The following MTMR3 variants were observed in gnomAD, a reference collection of about 807,000 sequenced individuals.
MTMR3 encodes phosphatidylinositol-3,5-bisphosphate 3-phosphatase MTMR3.
A neutral mutation model predicts 132.4 loss-of-function variants in MTMR3; 32 were observed. The observed-to-expected ratio is 0.24, with a 90% CI of 0.18 to 0.32. The LOEUF is 0.32. Ranked by LOEUF, MTMR3 falls within the 10% of genes least tolerant of loss-of-function variation. The probability of loss-of-function intolerance (pLI) is 1.00; values close to 1 mark genes in which losing one functional copy is unlikely to be tolerated. For synonymous variants in MTMR3, 556 were observed against 550.3 expected (o/e 1.01, Z -0.14); for missense variants, 1,216 against 1,489.6 (o/e 0.82, Z 3.02).
chr22:29,901,323 G>A (rs2064999439), intron 1 of MTMR3, among the ~76,000 whole-genome samples: 1 of 151,166 alleles, frequency 6.6e-6, no homozygotes, highest in African/African-American at 2.5e-5. Context: ...TTAATTTTTA[G>A]GCGAAATGTT....
At chr22:29,885,417 A>G (rs78599531) in intron 1 of MTMR3, among the ~76,000 whole-genome samples, 9 of 152,262 alleles carry the variant, frequency 5.9e-5, no homozygotes, top group South Asian at 2.1e-4. Context: ...TAATGGATTT[A>G]TGTAGGGGAA....
rs747908035 is a variant in MTMR3 at position 30,012,322 on chromosome 22, A to C, written c.1122-46A>C. On this transcript the variant is annotated intron_variant, in intron 12 of 19. Transcript: ENST00000401950. ...GACAATCATTGAGCATGATGCAGTA[A>C]ATCATAAAAAAATCAGCATTTTCTA... 5 of 1,579,114 alleles carry C rather than the reference A, an allele frequency of 3.2e-6. 1 individual carries two copies. The South Asian group carries it at 5.6e-5, about 18-fold the overall frequency.
chr22:29,954,996 T>C lies in MTMR3; in HGVS notation c.-137-2040T>C, dbSNP rs1371156323. 2.6e-5 allele frequency among the ~76,000 whole-genome samples: 4 copies of C among 152,236 alleles called. No homozygotes were observed. The South Asian group carries it at 8.3e-4, about 31-fold the overall frequency. On this transcript the variant is annotated intron_variant, in intron 1 of 19. Transcript: ENST00000401950. Reference sequence around the variant, plus strand: ...TTTCCATTATTTTGTTGGTTGTTGTTGTTCTTGTGACAATCTAGGGTCTTA... The same window carrying C: ...TTTCCATTATTTTGTTGGTTGTTGTCGTTCTTGTGACAATCTAGGGTCTTA...
intron 2 of MTMR3, among the ~76,000 whole-genome samples, chr22:29,963,890 G>A (rs897931117): frequency 2.0e-5 from 3 of 150,910 alleles, no homozygotes; most frequent in African/African-American, 7.3e-5. Flanking sequence ...CTTCAAAATA[G>A]CCCATCCCAC....
intron 1 of MTMR3, among the ~76,000 whole-genome samples, chr22:29,935,248 G>T (rs538970718): frequency 1.3e-5 from 2 of 152,234 alleles, no homozygotes; most frequent in East Asian, 3.9e-4. Flanking sequence ...TTACTAAATG[G>T]CATGTACAGT....
intron 1 of MTMR3, 70 bp from the exon 2 acceptor site, chr22:29,956,966 G>A (rs1456803934): frequency 1.3e-5 from 2 of 152,228 alleles, no homozygotes; most frequent in Non-Finnish European, 2.9e-5. Flanking sequence ...GTCTTGTGGG[G>A]AGATCTAAGT....
At chr22:29,895,381 TAA>T (rs2064874438) in intron 1 of MTMR3, among the ~76,000 whole-genome samples, 1 of 152,214 alleles carries the variant, frequency 6.6e-6, no homozygotes, top group African/African-American at 2.4e-5. Context: ...CGATGAGAAA[TAA>T]GTTTGTTTAT....
At chr22:29,888,823 G>A (rs1454086858) in intron 1 of MTMR3, among the ~76,000 whole-genome samples, 1 of 145,900 alleles carries the variant, frequency 6.9e-6, no homozygotes, top group Non-Finnish European at 1.5e-5. Context: ...GCCCAGGCTG[G>A]AGTGCAGTGG....
At chr22:29,949,134 CACA>C (rs2066014125) in intron 1 of MTMR3, among the ~76,000 whole-genome samples, 1 of 42,546 alleles carries the variant, frequency 2.4e-5, no homozygotes, top group African/African-American at 1.3e-4. Context: ...CACACACACA[CACA>C]CACACACCCC....
intron 1 of MTMR3, among the ~76,000 whole-genome samples, chr22:29,921,354 A>G (rs112268766): frequency 2.6e-5 from 4 of 152,300 alleles, no homozygotes; most frequent in South Asian, 4.1e-4. Context: ...ACCAAGCCAT[A>G]TTAGGGATGT....
chr22:30,005,864 T>TA (rs1406434224), intron 9 of MTMR3: 1 of 152,186 alleles, frequency 6.6e-6, no homozygotes, highest in African/African-American at 2.4e-5. Flanking sequence ...TAGTAAAACA[T>TA]AGAGTGCTTC....
At chr22:30,005,070 G>A (rs939119982) in intron 9 of MTMR3, 5 of 152,206 alleles carry the variant, frequency 3.3e-5, no homozygotes, top group African/African-American at 1.2e-4. Flanking sequence ...TGTGCATGTG[G>A]TGATTATTCT....
At chr22:29,949,685 T>C (rs1243194602) in intron 1 of MTMR3, among the ~76,000 whole-genome samples, 2 of 152,106 alleles carry the variant, frequency 1.3e-5, no homozygotes, top group African/African-American at 2.4e-5. Context: ...TTAAAACTAC[T>C]CCTCTTCGTG....
In MTMR3 at chr22:30,019,696, T is replaced by C. The variant is rs1259419964; in HGVS notation, c.2037T>C (p.Ser679=). 5.0e-6 allele frequency: 8 copies of C among 1,614,120 alleles called. No homozygotes were observed. Among genetic ancestry groups the C allele is most frequent in the Non-Finnish European group, 6.8e-6 (8 of 1,180,024 alleles). Residue 679 remains serine, a synonymous_variant, in exon 17 of 20, where the codon TCT becomes TCC. Coordinates refer to ENST00000401950, the MANE Select transcript of MTMR3 (RefSeq NM_021090.4). ...GAGTGCCGGGGGGTGCCGAGCTTTC[T>C]GTTGCAGCCGGAGTAGCTGAGGGGC... ...PTRVPGGAEL[S]VAAGVAEGQM... is the part of the protein sequence containing the mutation.
intron 17 of MTMR3, 46 bp from the exon 18 acceptor site, chr22:30,021,983 G>A: frequency 1.3e-6 from 2 of 1,483,702 alleles, no homozygotes; most frequent in Non-Finnish European, 1.9e-6. Context: ...CTTCTTTTGG[G>A]AGGAGACCAG....
chr22:29,936,059 C>T (rs566198722), intron 1 of MTMR3, among the ~76,000 whole-genome samples: 1 of 152,136 alleles, frequency 6.6e-6, no homozygotes, highest in South Asian at 2.1e-4. Flanking sequence ...GCCTCCATGC[C>T]CACTTTTAGG....
intron 1 of MTMR3, among the ~76,000 whole-genome samples, chr22:29,908,480 T>C (rs2065144981): frequency 6.6e-6 from 1 of 152,212 alleles, no homozygotes; most frequent in African/African-American, 2.4e-5. Context: ...TACTCTGAAA[T>C]AGTTAACTGT....
chr22:30,019,781 C>A lies in MTMR3; in HGVS notation c.2122C>A (p.His708Asn). The A allele has an allele frequency of 1.2e-6, 2 of 1,614,202 alleles. No homozygotes were observed. The highest frequency in any genetic ancestry group is 2.7e-5 in the African/African-American group (2 of 75,066). Reference sequence around the variant, plus strand: ...GGAGAGTGGAGTAGAGGAACCTGCCCACAGGGCAGGCATTGAGATACAGGA... The same window carrying A: ...GGAGAGTGGAGTAGAGGAACCTGCCAACAGGGCAGGCATTGAGATACAGGA... ...KEESGVEEPA[H>N]RAGIEIQEGK... The change falls in exon 17 of 20, where the codon CAC (histidine) becomes AAC (asparagine). Residue 708 changes from histidine to asparagine, a missense_variant. By Grantham distance (68) the His-to-Asn change is moderately conservative. This residue lies in a region of MTMR3 where 852 missense variants were observed against 852.0 expected (regional missense o/e 1.00). Transcript: ENST00000401950.
intron 1 of MTMR3, among the ~76,000 whole-genome samples, chr22:29,917,783 T>C (rs1440016357): frequency 6.6e-6 from 1 of 152,232 alleles, no homozygotes; most frequent in African/African-American, 2.4e-5. Flanking sequence ...AAAAATATTG[T>C]GCATTTAATA....
Sources: gnomAD v4.1 joint callset for allele counts (sites outside exome capture counted in the v4.1 genomes callset) on GRCh38, gnomAD v4.1.1 for gene constraint, gnomAD v4.1.1 regional missense constraint, MANE v1.5 for transcripts, NCBI Gene and HGNC (gene_info 2026-07-23, HGNC 2026-07-21) for gene names.